Variants in JADE1 observed in about 807,000 individuals in gnomAD.
The protein encoded by JADE1 is jade family PHD finger 1.
JADE1 carries 14 observed loss-of-function variants against 81.8 expected under a neutral mutation model. The ratio of observed to expected loss-of-function variants is 0.17; its 90% CI spans 0.11 to 0.27. JADE1 has a LOEUF of 0.27. JADE1 is among the 10% of genes least tolerant of loss of function. The pLI is 1.00. For missense variants in JADE1, 690 were observed against 1,047.9 expected, an observed-to-expected ratio of 0.66 and a Z score of 4.71; for synonymous variants, 353 against 391.9, an observed-to-expected ratio of 0.90 and a Z score of 1.17.
chr4:128,857,424 C>T lies in JADE1; in HGVS notation c.951C>T (p.Leu317=). 1 of 1,613,992 alleles carries T rather than the reference C, an allele frequency of 6.2e-7. No individual in the cohort carries two copies. Among genetic ancestry groups the T allele is most frequent in the Non-Finnish European group, 8.5e-7 (1 of 1,179,950 alleles). ...PSSRWALVCS[L]CNEKFGASIQ... is the part of the protein sequence containing the mutation. ...GCCGGTGGGCGCTAGTGTGCAGCCTCTGCAATGAGAAGTTTGGGGCCTCTA... is the reference window on the plus strand; with the variant it reads ...GCCGGTGGGCGCTAGTGTGCAGCCTTTGCAATGAGAAGTTTGGGGCCTCTA... Residue 317 remains leucine (L), a synonymous_variant, in exon 8 of 11, where the codon CTC becomes CTT. Transcript: ENST00000226319.
chr4:128,845,819 G>A (rs541286345), intron 3 of JADE1, among the ~76,000 whole-genome samples: 43 of 152,124 alleles, frequency 2.8e-4, no homozygotes, highest in Admixed American at 2.0e-4. Context: ...GCTACTCGGG[G>A]GTGCTGAGGC....
chr4:128,856,336 G>T (rs1579210752), intron 7 of JADE1, among the ~76,000 whole-genome samples: 1 of 152,182 alleles, frequency 6.6e-6, no homozygotes, highest in East Asian at 1.9e-4. Flanking sequence ...GCTGGAAGCA[G>T]CAGTCACTTG....
intron 6 of JADE1, 56 bp downstream of exon 6, chr4:128,852,324 G>T (rs368849318): frequency 3.5e-5 from 50 of 1,430,720 alleles, no homozygotes; most frequent in Non-Finnish European, 4.8e-5. Flanking sequence ...CCTGTCTGCT[G>T]TGGGAGTGTA....
At chr4:128,856,094 C>G (rs950855423) in intron 7 of JADE1, among the ~76,000 whole-genome samples, 1 of 152,198 alleles carries the variant, frequency 6.6e-6, no homozygotes. Context: ...GTTGGGATTA[C>G]AAGCGTGAGC....
At chr4:128,813,892 C>T (rs1367858936) in intron 1 of JADE1, among the ~76,000 whole-genome samples, 1 of 151,694 alleles carries the variant, frequency 6.6e-6, no homozygotes, top group East Asian at 1.9e-4. Flanking sequence ...TCCTTTGGTC[C>T]CTATTTAGCA....
chr4:128,873,282 A>AAAAAAAAAG lies in JADE1; in HGVS notation c.*1028_*1029insGAAAAAAAA, dbSNP rs1732340732. On this transcript the variant is annotated 3_prime_UTR_variant, in exon 11 of 11. Coordinates refer to ENST00000226319, the MANE Select transcript of JADE1 (RefSeq NM_199320.4). ...AAAAAAAAAAAAAAAAGAAAAAAAGAAAAAAAAAAGAAAAAAGAAAAAAAG... is the reference window on the plus strand; with the variant it reads ...AAAAAAAAAAAAAAAAGAAAAAAAGAAAAAAAAAGAAAAAAAAAGAAAAAAGAAAAAAAG... 6.9e-6 allele frequency: 1 copy of AAAAAAAAAG among 145,572 alleles called. No individual in the cohort carries two copies. The highest frequency in any genetic ancestry group is 1.5e-5 in the Non-Finnish European group (1 of 65,338). The allele number at this position is 145,572 out of a possible 1,614,324, so 9.0% of individuals were successfully genotyped here.
At chr4:128,815,159 C>CTGTAAGCTCCGCCTCCA (rs1726903754) in intron 1 of JADE1, among the ~76,000 whole-genome samples, 1 of 152,056 alleles carries the variant, frequency 6.6e-6, no homozygotes, top group Admixed American at 6.5e-5. Flanking sequence ...CTCCGCCTCC[C>CTGTAAGCTCCGCCTCCA]TGTAAGCTCC....
intron 9 of JADE1, chr4:128,864,720 C>A: frequency 2.1e-6 from 1 of 484,662 alleles, no homozygotes; most frequent in Non-Finnish European, 2.7e-6. Flanking sequence ...ATACCTGTGA[C>A]TACAATCAAG....
chr4:128,852,321 G>A lies in JADE1; in HGVS notation c.696+53G>A, dbSNP rs1730423052. ...AGAAACCTGGGGCATGAGCCTGTCT[G>A]CTGTGGGAGTGTATGCCTGGAGTCC... On this transcript the variant is annotated intron_variant, in intron 6 of 10. Coordinates refer to ENST00000226319, the MANE Select transcript of JADE1 (RefSeq NM_199320.4). 3 of 1,450,542 alleles carry A rather than the reference G, an allele frequency of 2.1e-6. No homozygotes were observed. In the South Asian group the frequency reaches 3.5e-5, roughly 17 times the overall value. 89.9% of individuals were successfully genotyped at this position (1,450,542 alleles called of 1,614,324 possible).
In JADE1 at chr4:128,846,796, C is replaced by G. The variant is rs1315233425; in HGVS notation, c.296+264C>G. ...GTGCTGCTTTCTTATGAGAGGAAGG[C>G]AAATTCCAAGACATCCTGGGAAGTG... On this transcript the variant is annotated intron_variant, in intron 4 of 10. Coordinates refer to ENST00000226319, the MANE Select transcript of JADE1 (RefSeq NM_199320.4). This position sits in a 1 kb window ranked among gnomAD's most constrained non-coding sequence, Gnocchi z 4.0. Among the ~76,000 whole-genome samples, 1 of 152,174 alleles carries G rather than the reference C, an allele frequency of 6.6e-6. No homozygotes were observed. The highest frequency in any genetic ancestry group is 1.5e-5 in the Non-Finnish European group (1 of 68,042).
chr4:128,850,123 G>A (rs1013387423), intron 5 of JADE1, among the ~76,000 whole-genome samples: 1 of 151,978 alleles, frequency 6.6e-6, no homozygotes, highest in Admixed American at 6.6e-5. Context: ...GTGAAACCCC[G>A]TCTCTACTAA....
In JADE1 at chr4:128,855,692, G is replaced by A. The variant is rs149983712; in HGVS notation, c.759G>A (p.Gly253=). 1 of 1,614,178 alleles carries A rather than the reference G, an allele frequency of 6.2e-7. No homozygotes were observed. The highest frequency in any genetic ancestry group is 1.7e-5 in the Admixed American group (1 of 60,034). The change falls in exon 7 of 11, where the codon GGG becomes GGA. Residue 253 remains glycine, a synonymous_variant. Coordinates refer to ENST00000226319, the MANE Select transcript of JADE1 (RefSeq NM_199320.4). Reference sequence around the variant, plus strand: ...GGCTGTGCCGGACATGTGCCCTGGGGGTTCAGCCAAAATGTCTGCTGTGTC... The same window carrying A: ...GGCTGTGCCGGACATGTGCCCTGGGAGTTCAGCCAAAATGTCTGCTGTGTC... ...GSWLCRTCAL[G]VQPKCLLCPK...
intron 9 of JADE1, among the ~76,000 whole-genome samples, chr4:128,865,938 G>A (rs757149890): frequency 6.6e-6 from 1 of 152,192 alleles, no homozygotes; most frequent in Non-Finnish European, 1.5e-5. Flanking sequence ...TAAGATGTCA[G>A]GATTTGTTTC....
intron 10 of JADE1, among the ~76,000 whole-genome samples, chr4:128,868,196 C>T (rs553367283): frequency 6.6e-6 from 1 of 152,324 alleles, no homozygotes; most frequent in African/African-American, 2.4e-5. Context: ...TCTCTGCTTA[C>T]TGAGCAAACA....
intron 5 of JADE1, 99 bp downstream of exon 5, chr4:128,849,266 A>G: frequency 1.0e-6 from 1 of 986,868 alleles, no homozygotes; most frequent in African/African-American, 1.6e-5. Flanking sequence ...TGCCAGTTGC[A>G]GGCAGCTCCA....
chr4:128,838,627 A>G (rs1729182332), intron 2 of JADE1, among the ~76,000 whole-genome samples: 1 of 152,196 alleles, frequency 6.6e-6, no homozygotes, highest in Non-Finnish European at 1.5e-5. Context: ...AGTATAAATC[A>G]CTGACTCCTG....
In JADE1 at chr4:128,861,811, C is replaced by G. The variant is rs975178524; in HGVS notation, c.1089C>G (p.Ser363=). Residue 363 remains serine, a synonymous_variant, in exon 9 of 11, where the codon TCC becomes TCG. Transcript: ENST00000226319. The part of the protein sequence containing the change: ...LAENDEVKFK[S]YCPKHSSHRK... ...AGAATGATGAAGTCAAGTTCAAGTC[C>G]TATTGCCCAAAGCACAGCTCACATA... is the stretch of plus-strand genomic sequence containing the variant. 1.2e-6 allele frequency: 2 copies of G among 1,614,198 alleles called. No homozygotes were observed. Among genetic ancestry groups the G allele is most frequent in the African/African-American group, 2.7e-5 (2 of 75,042 alleles).
intron 8 of JADE1, among the ~76,000 whole-genome samples, chr4:128,860,204 G>A (rs924508385): frequency 1.3e-5 from 2 of 152,136 alleles, no homozygotes; most frequent in East Asian, 1.9e-4. Context: ...GTATGTGTGC[G>A]TGCTTGTGTG....
At chr4:128,863,881 G>T in intron 9 of JADE1, 1 of 985,438 alleles carries the variant, frequency 1.0e-6, no homozygotes, top group Non-Finnish European at 1.2e-6. Context: ...TGTTTGGACT[G>T]TGTTTGTCTC....
Sources: allele counts gnomAD v4.1 joint callset (sites outside exome capture counted in the v4.1 genomes callset), GRCh38; gene constraint gnomAD v4.1.1; non-coding constraint Gnocchi (gnomAD v3.1); transcripts MANE v1.5; gene names NCBI Gene and HGNC (gene_info 2026-07-23, HGNC 2026-07-21).